Variants in ADCY2 observed in about 807,000 individuals in gnomAD.
The protein encoded by ADCY2 is adenylate cyclase 2.
ADCY2 carries 31 observed loss-of-function variants against 125.2 expected under a neutral mutation model. That is an observed-to-expected ratio of 0.25 (90% confidence interval 0.19 to 0.33). The LOEUF (loss-of-function observed/expected upper bound fraction) is 0.33, where lower values mean the gene tolerates loss of function less well. Among genes scored for constraint, ADCY2 ranks in the 10% least tolerant of loss-of-function variants. The probability of loss-of-function intolerance (pLI) is 1.00; values close to 1 mark genes in which losing one functional copy is unlikely to be tolerated. For synonymous variants in ADCY2, 512 were observed against 548.4 expected, an observed-to-expected ratio of 0.93 and a Z score of 0.93; for missense variants, 904 against 1,418.2, an observed-to-expected ratio of 0.64 and a Z score of 5.82.
intron 4 of ADCY2, among the ~76,000 whole-genome samples, chr5:7,685,655 A>G (rs987814099): frequency 1.3e-5 from 2 of 152,240 alleles, no homozygotes; most frequent in Admixed American, 6.5e-5. Flanking sequence ...GGAAACAGCA[A>G]CAGTAGCAGT....
intron 3 of ADCY2, among the ~76,000 whole-genome samples, chr5:7,578,960 C>A (rs750746587): frequency 2.6e-5 from 4 of 152,138 alleles, no homozygotes; most frequent in Non-Finnish European, 5.9e-5. Flanking sequence ...TCCACGTAAG[C>A]CACTCAGACA....
At chr5:7,736,651 G>T (rs1248130952) in intron 14 of ADCY2, among the ~76,000 whole-genome samples, 1 of 151,922 alleles carries the variant, frequency 6.6e-6, no homozygotes, top group Non-Finnish European at 1.5e-5. Context: ...TACCCTTATT[G>T]TTTTTTAGGT....
In ADCY2 at chr5:7,691,021, T is replaced by G. The variant is rs371726829; in HGVS notation, c.869+182T>G. 218 of 579,292 alleles carry G rather than the reference T, an allele frequency of 3.8e-4. 4 individuals carry two copies. The South Asian group carries it at 0.011, about 28-fold the overall frequency. The allele number at this position is 579,292 out of a possible 1,614,324, so 35.9% of individuals were successfully genotyped here. ...GTTCCTGCCTCTCAGGGCCTTCACATTAAGATGAGAAAATAGGATGCTGTT... is the reference window on the plus strand; with the variant it reads ...GTTCCTGCCTCTCAGGGCCTTCACAGTAAGATGAGAAAATAGGATGCTGTT... On this transcript the variant is annotated intron_variant, in intron 5 of 24. Coordinates refer to ENST00000338316, the MANE Select transcript of ADCY2 (RefSeq NM_020546.3).
chr5:7,553,293 G>A (rs1735397257), intron 3 of ADCY2, among the ~76,000 whole-genome samples: 1 of 152,198 alleles, frequency 6.6e-6, no homozygotes, highest in Admixed American at 6.5e-5. Flanking sequence ...CTCATTACAT[G>A]TGAGGTTAAC....
intron 2 of ADCY2, among the ~76,000 whole-genome samples, chr5:7,461,933 C>T (rs1297840867): frequency 6.6e-6 from 1 of 152,220 alleles, no homozygotes; most frequent in South Asian, 2.1e-4. Flanking sequence ...TCCTATCATT[C>T]CTGAGAGTTT....
At chr5:7,421,694 T>C (rs1326363327) in intron 2 of ADCY2, among the ~76,000 whole-genome samples, 1 of 152,224 alleles carries the variant, frequency 6.6e-6, no homozygotes, top group African/African-American at 2.4e-5. Context: ...TTCCATCTTG[T>C]GGAGTGCTGC....
intron 2 of ADCY2, among the ~76,000 whole-genome samples, chr5:7,468,656 T>A (rs1454919103): frequency 6.6e-6 from 1 of 152,144 alleles, no homozygotes; most frequent in East Asian, 1.9e-4. Flanking sequence ...GCTCTGAATT[T>A]GTATCTTGCT....
chr5:7,789,470 T>C (rs1374267366), intron 19 of ADCY2, among the ~76,000 whole-genome samples, 172 bp from the exon 20 acceptor site: 1 of 152,198 alleles, frequency 6.6e-6, no homozygotes, highest in East Asian at 1.9e-4. Flanking sequence ...TGTCAGAGGT[T>C]GACTGAAGGA....
chr5:7,744,245 T>A (rs541156542), intron 15 of ADCY2, among the ~76,000 whole-genome samples: 1 of 152,074 alleles, frequency 6.6e-6, no homozygotes, highest in Admixed American at 6.5e-5. Flanking sequence ...AGGGGAGGGA[T>A]AGCATTAGGA....
At chr5:7,661,136 C>T (rs1011384268) in intron 4 of ADCY2, among the ~76,000 whole-genome samples, 3 of 151,926 alleles carry the variant, frequency 2.0e-5, no homozygotes, top group Non-Finnish European at 4.4e-5. Flanking sequence ...CTTGGGGCAT[C>T]AAAACTGTTT....
intron 24 of ADCY2, among the ~76,000 whole-genome samples, chr5:7,824,783 G>A (rs78849939): frequency 6.6e-6 from 1 of 152,170 alleles, no homozygotes; most frequent in Non-Finnish European, 1.5e-5. Context: ...TGAGATCTGC[G>A]CATGGAGGAT....
At chr5:7,788,686 G>A (rs969523782) in intron 19 of ADCY2, among the ~76,000 whole-genome samples, 9 of 152,102 alleles carry the variant, frequency 5.9e-5, no homozygotes. Context: ...TTGTGCATGA[G>A]AGGCCATCTG....
chr5:7,476,049 G>A (rs558642806), intron 2 of ADCY2, among the ~76,000 whole-genome samples: 1 of 152,288 alleles, frequency 6.6e-6, no homozygotes, highest in South Asian at 2.1e-4. Context: ...GACGGTGACA[G>A]CATGAAAAGA....
chr5:7,714,266 C>T (rs1741528630), intron 11 of ADCY2, among the ~76,000 whole-genome samples: 1 of 152,336 alleles, frequency 6.6e-6, no homozygotes, highest in Non-Finnish European at 1.5e-5. Flanking sequence ...ATGTCACAGA[C>T]TTCCTTTCAC....
chr5:7,762,907 C>T (rs868679563), intron 16 of ADCY2, among the ~76,000 whole-genome samples: 5 of 152,040 alleles, frequency 3.3e-5, no homozygotes, highest in African/African-American at 1.2e-4. Context: ...CTTTAAGTCA[C>T]GGGGAAGAAC....
At chr5:7,646,124 T>A (rs781209830) in intron 4 of ADCY2, among the ~76,000 whole-genome samples, 8 of 151,728 alleles carry the variant, frequency 5.3e-5, no homozygotes, top group South Asian at 2.1e-4. Flanking sequence ...TTGGGATTTT[T>A]AAAAAAAACG....
At chr5:7,687,073 A>T (rs1321778271) in intron 4 of ADCY2, among the ~76,000 whole-genome samples, 1 of 152,202 alleles carries the variant, frequency 6.6e-6, no homozygotes, top group African/African-American at 2.4e-5. Context: ...GGCAGTTACC[A>T]ACGTCTTCAT....
chr5:7,600,123 T>G (rs1490704629), intron 3 of ADCY2, among the ~76,000 whole-genome samples: 1 of 152,118 alleles, frequency 6.6e-6, no homozygotes, highest in Non-Finnish European at 1.5e-5. Context: ...AAAGCTTCCC[T>G]GAGGAAATAT....
intron 12 of ADCY2, among the ~76,000 whole-genome samples, chr5:7,723,440 G>A (rs997506129): frequency 9.9e-5 from 15 of 152,136 alleles, no homozygotes; most frequent in African/African-American, 3.6e-4. Context: ...CTGGCAGTGA[G>A]AGTCTTCCAA....
Sources: gnomAD v4.1 joint callset for allele counts (sites outside exome capture counted in the v4.1 genomes callset) on GRCh38, gnomAD v4.1.1 for gene constraint, MANE v1.5 for transcripts, NCBI Gene and HGNC (gene_info 2026-07-23, HGNC 2026-07-21) for gene names.